Variants in TTC34 observed in about 807,000 individuals in gnomAD.
TTC34 encodes the protein tetratricopeptide repeat protein 34.
Under a neutral mutation model 40.7 loss-of-function variants are expected in TTC34, and 44 were observed. The ratio of observed to expected loss-of-function variants is 1.08; its 90% confidence interval spans 0.85 to 1.39. TTC34 has a LOEUF of 1.39. Ranked by LOEUF, TTC34 falls within the 40% of genes most tolerant of loss-of-function variation. The pLI is 0.00. For synonymous variants in TTC34, 422 were observed against 398.6 expected (o/e 1.06, Z -0.70); for missense variants, 884 against 838.0 (o/e 1.05, Z -0.68).
At chr1:2,778,619 C>G (rs1643401104) in intron 6 of TTC34, among the ~76,000 whole-genome samples, 1 of 152,200 alleles carries the variant, frequency 6.6e-6, no homozygotes, top group Admixed American at 6.5e-5. Flanking sequence ...GATGGGAGCT[C>G]TGTGGGGGGA....
At chr1:2,752,601 CA>C in intron 6 of TTC34, among the ~76,000 whole-genome samples, 1 of 36,098 alleles carries the variant, frequency 2.8e-5, no homozygotes, top group Non-Finnish European at 4.6e-5. Flanking sequence ...CAACCTGGAA[CA>C]GGACAAACAC....
In TTC34 at chr1:2,753,070, T is replaced by C. The variant is rs1227257878; in HGVS notation, c.2226+30539A>G. 4.0e-3 allele frequency among the ~76,000 whole-genome samples: 372 copies of C among 92,496 alleles called. 1 individual carries two copies. The highest frequency in any genetic ancestry group is 6.8e-3 in the African/African-American group (140 of 20,480). The allele number at this position is 92,496 out of a possible 152,430, so 60.7% of individuals were successfully genotyped here. On this transcript the variant is annotated intron_variant, in intron 6 of 8. Coordinates refer to ENST00000401095, the Ensembl canonical transcript of TTC34. ...GCACCCACACCCCCAGGTGAGCATC[T>C]GACAGCCTGGAACGGCAACCACACC...
intron 6 of TTC34, among the ~76,000 whole-genome samples, chr1:2,751,753 G>T (rs1434244544): frequency 8.1e-6 from 1 of 122,756 alleles, no homozygotes; most frequent in African/African-American, 3.2e-5. Flanking sequence ...TGACATCGTA[G>T]AGCAGCACCC....
chr1:2,800,894 C>T (rs1643765454), intron 1 of TTC34, 26 bp from the exon 2 acceptor site: 1 of 398,736 alleles, frequency 2.5e-6, no homozygotes, highest in Non-Finnish European at 4.4e-6. Flanking sequence ...CATGGTGAGT[C>T]CACAGAGGGC....
chr1:2,646,921 T>G (rs936685472), intron 6 of TTC34, among the ~76,000 whole-genome samples: 3 of 152,208 alleles, frequency 2.0e-5, no homozygotes, highest in African/African-American at 4.8e-5. Context: ...TGAAGGACAT[T>G]TTAACAAGAT....
In TTC34 at chr1:2,748,777, G is replaced by C. The variant is rs1230497557; in HGVS notation, c.2226+34832C>G. ...CACCCACACCCCTAGGAGAGCATCCGGCAGCCTGGAGCGGAACCCACACCC... is the reference window on the plus strand; with the variant it reads ...CACCCACACCCCTAGGAGAGCATCCCGCAGCCTGGAGCGGAACCCACACCC... On this transcript the variant is annotated intron_variant, in intron 6 of 8. Coordinates refer to ENST00000401095, the Ensembl canonical transcript of TTC34. Among the ~76,000 whole-genome samples the C allele has an allele frequency of 2.4e-5, 3 of 127,522 alleles. 1 individual carries two copies. Among genetic ancestry groups the C allele is most frequent in the African/African-American group, 6.6e-5 (2 of 30,308 alleles). 83.7% of individuals were successfully genotyped at this position (127,522 alleles called of 152,430 possible). A position where few individuals can be genotyped will look rare whatever the true frequency, so the allele number is the denominator to read the frequency against.
At chr1:2,687,856 A>T (rs1640436234) in intron 6 of TTC34, among the ~76,000 whole-genome samples, 2 of 140,838 alleles carry the variant, frequency 1.4e-5, no homozygotes, top group African/African-American at 6.0e-5. Flanking sequence ...CCCACAGTTG[A>T]GCATCTGACA....
chr1:2,647,121 C>T (rs1570748088), intron 6 of TTC34, among the ~76,000 whole-genome samples: 1 of 151,088 alleles, frequency 6.6e-6, no homozygotes, highest in South Asian at 2.1e-4. Flanking sequence ...CAAGATGTGC[C>T]TTCTTAGGGG....
chr1:2,787,552 G>T (rs1038139384), exon 4 of TTC34: 1 of 1,542,488 alleles, frequency 6.5e-7, no homozygotes, highest in Admixed American at 2.0e-5. Context: ...GGGGCTGCCT[G>T]GGGCCTCCGG....
At chr1:2,643,582 A>AC (rs1020482307) in intron 8 of TTC34, among the ~76,000 whole-genome samples, 24 of 148,170 alleles carry the variant, frequency 1.6e-4, no homozygotes, top group African/African-American at 3.0e-4. Flanking sequence ...GAGCTCTGAG[A>AC]CCCCACCCCG....
intron 6 of TTC34, among the ~76,000 whole-genome samples, chr1:2,759,866 AGTAGTATCCT>A (rs1641636203): frequency 9.1e-4 from 60 of 65,916 alleles, no homozygotes; most frequent in Admixed American, 9.8e-4. Flanking sequence ...GACAGCCTGG[AGTAGTATCCT>A]GCACCCTCAG....
intron 6 of TTC34, among the ~76,000 whole-genome samples, chr1:2,684,318 C>G (rs1640218078): frequency 7.3e-6 from 1 of 136,930 alleles, no homozygotes; most frequent in Non-Finnish European, 1.6e-5. Context: ...ACCCACACCC[C>G]CAAGTGAGCA....
Position 2,645,465 on chromosome 1 carries a change from T to A in TTC34, c.2325A>T (p.Thr775=). Residue 775 remains threonine, a synonymous_variant, in exon 7 of 9, where the codon ACA becomes ACT. Transcript: ENST00000401095. This position sits in a 1 kb window ranked among gnomAD's most constrained non-coding sequence, Gnocchi z 4.7. The stretch of plus-strand genomic sequence containing the variant: ...CCCGGCAGTGGGAGTAGAGGCCCTG[T>A]GTGATGAGGGCCTGGGCTTCCGGCT... 1 of 1,534,162 alleles carries A rather than the reference T, an allele frequency of 6.5e-7. No homozygotes were observed. The highest frequency in any genetic ancestry group is 8.7e-7 in the Non-Finnish European group (1 of 1,146,326).
At chr1:2,638,443 T>C (rs977034790) in exon 9 of TTC34, 1 of 152,242 alleles carries the variant, frequency 6.6e-6, no homozygotes, top group African/African-American at 2.4e-5. Context: ...TTGCTGGCGG[T>C]CTACAGTTAA....
At chr1:2,684,560 C>A (rs112100774) in intron 6 of TTC34, among the ~76,000 whole-genome samples, 2 of 141,362 alleles carry the variant, frequency 1.4e-5, no homozygotes, top group East Asian at 2.0e-4. Flanking sequence ...CCCACAACCC[C>A]AGGTGAGCAT....
intron 6 of TTC34, among the ~76,000 whole-genome samples, chr1:2,780,734 T>C (rs1643469132): frequency 1.3e-5 from 2 of 152,234 alleles, no homozygotes. Context: ...GTTTTGGCTG[T>C]TTGGGGTCCC....
In TTC34 at chr1:2,691,659, G is replaced by C. The variant is rs544581083; in HGVS notation, c.2227-46096C>G. 7.1e-3 allele frequency among the ~76,000 whole-genome samples: 394 copies of C among 55,554 alleles called. 9 individuals carry two copies. Among genetic ancestry groups the C allele is most frequent in the Non-Finnish European group, 8.4e-3 (211 of 25,174 alleles). 36.4% of individuals were successfully genotyped at this position (55,554 alleles called of 152,430 possible). A position where few individuals can be genotyped will look rare whatever the true frequency, so the allele number is the denominator to read the frequency against. On this transcript the variant is annotated intron_variant, in intron 6 of 8. Transcript: ENST00000401095. Reference sequence around the variant, plus strand: ...GCACGTGACAGCCTGGAACAGCACCGACACCCCCAGGTGAGCATCTGACGG... The same window carrying C: ...GCACGTGACAGCCTGGAACAGCACCCACACCCCCAGGTGAGCATCTGACGG...
chr1:2,691,611 C>G (rs1420652012), intron 6 of TTC34, among the ~76,000 whole-genome samples: 19 of 106,302 alleles, frequency 1.8e-4, no homozygotes, highest in East Asian at 2.8e-4. Flanking sequence ...CAGCCTGGAA[C>G]AGCACCCTGC....
chr1:2,699,612 AC>A, intron 6 of TTC34, among the ~76,000 whole-genome samples: 1 of 115,086 alleles, frequency 8.7e-6, no homozygotes, highest in South Asian at 2.9e-4. Flanking sequence ...CAGCACCCAC[AC>A]ACCCAGGTCA....
Sources: gnomAD v4.1 joint callset for allele counts (sites outside exome capture counted in the v4.1 genomes callset) on GRCh38, gnomAD v4.1.1 for gene constraint, Gnocchi (gnomAD v3.1) non-coding constraint, MANE v1.5 for transcripts, NCBI Gene and HGNC (gene_info 2026-07-23, HGNC 2026-07-21) for gene names.